Variants in PCM1 observed in about 807,000 individuals in gnomAD.
The protein encoded by PCM1 is pericentriolar material 1.
In PCM1, 157 loss-of-function variants were observed where a neutral mutation model predicts 241.9. The observed-to-expected ratio is 0.65, with a 90% CI of 0.57 to 0.74. The LOEUF (loss-of-function observed/expected upper bound fraction) is 0.74, where lower values mean the gene tolerates loss of function less well. PCM1 is among the 30% of genes least tolerant of loss of function. PCM1 has a pLI of 0.00. For synonymous variants in PCM1, 1,085 were observed against 784.9 expected (o/e 1.38, Z -6.39); for missense variants, 3,478 against 2,360.1 (o/e 1.47, Z -9.81).
At chr8:17,955,893 C>G in intron 10 of PCM1, 1 of 511,600 alleles carries the variant, frequency 2.0e-6, no homozygotes, top group Non-Finnish European at 3.5e-6. Flanking sequence ...AATAAAGGAT[C>G]AAAAATAAGA....
At chr8:17,962,200 C>A (rs754540273) in intron 16 of PCM1, 26 bp downstream of exon 16, 1 of 1,572,564 alleles carries the variant, frequency 6.4e-7, no homozygotes, top group South Asian at 1.2e-5. Context: ...CTCTCTTGTT[C>A]CTGAGTTAGT....
At chr8:17,962,602 A>G (rs762942962) in intron 16 of PCM1, among the ~76,000 whole-genome samples, 3 of 151,920 alleles carry the variant, frequency 2.0e-5, no homozygotes, top group Non-Finnish European at 2.9e-5. Context: ...TTTGAGTTCT[A>G]CTTGTTTCTA....
At chr8:17,932,830 T>C (rs2059419502) in intron 2 of PCM1, among the ~76,000 whole-genome samples, 1 of 152,224 alleles carries the variant, frequency 6.6e-6, no homozygotes, top group Non-Finnish European at 1.5e-5. Context: ...AATCTTTGAC[T>C]ATTTTGATAG....
chr8:17,926,815 G>A (rs2057159749), intron 2 of PCM1: 1 of 152,228 alleles, frequency 6.6e-6, no homozygotes, highest in Non-Finnish European at 1.5e-5. Context: ...CAGGAATCAA[G>A]TGAGAGAAGT....
intron 30 of PCM1, among the ~76,000 whole-genome samples, chr8:18,007,836 T>G (rs1000898269): frequency 6.6e-6 from 1 of 152,100 alleles, no homozygotes; most frequent in Non-Finnish European, 1.5e-5. Context: ...GATAAGATAG[T>G]CTTTTGGTGG....
rs1410591935 is a variant in PCM1 at position 17,939,797 on chromosome 8, C to G, written c.719C>G (p.Thr240Ser). 2.6e-6 allele frequency: 4 copies of G among 1,544,024 alleles called. No homozygotes were observed. The Admixed American group carries it at 5.8e-5, about 22-fold the overall frequency. ...NERSANVERL[T>S]HLIDHLKEQE... The stretch of plus-strand genomic sequence containing the variant: ...AGATCTGCTAATGTTGAGCGCCTTA[C>G]TCATCTAATAGATCACCTTAAAGAA... Residue 240 changes from threonine to serine, a missense_variant, in exon 6 of 39, where the codon ACT becomes AGT. Transcript: ENST00000325083.
At chr8:17,976,343 G>A (rs2078764223) in intron 23 of PCM1, among the ~76,000 whole-genome samples, 1 of 152,216 alleles carries the variant, frequency 6.6e-6, no homozygotes, top group Non-Finnish European at 1.5e-5. Context: ...ACACCCTGTT[G>A]CTGAGGAATC....
At position 17,996,777 on chromosome 8, in the gene PCM1, ACAAG is replaced by A. The variant is rs1445436779; in HGVS notation, c.4827+3162_4827+3165del. Among the ~76,000 whole-genome samples, 3 of 152,250 alleles carry A rather than the reference ACAAG, an allele frequency of 2.0e-5. No individual in the cohort carries two copies. In the East Asian group the frequency reaches 5.8e-4, roughly 29 times the overall value. ...CCGATAACACTGATTGCATAAACAA[ACAAG>A]CAAACAAAATGAAAACTTATGCAAA... is the stretch of plus-strand genomic sequence containing the variant. On this transcript the variant is annotated intron_variant, in intron 29 of 38. Coordinates refer to ENST00000325083, the MANE Select transcript of PCM1 (RefSeq NM_006197.4).
chr8:17,950,658 A>T lies in PCM1; in HGVS notation c.1005A>T (p.Thr335=), dbSNP rs761381844. The stretch of plus-strand genomic sequence containing the variant: ...GTAGCTTATCTGGCGTCAGTATCAC[A>T]TCTGAACTAAATGAAGAATTGAATG... ...TAGSLSGVSI[T]SELNEELNDL... Residue 335 remains threonine, a synonymous_variant, in exon 8 of 39, where the codon ACA becomes ACT. Coordinates refer to ENST00000325083, the MANE Select transcript of PCM1 (RefSeq NM_006197.4). 7 of 1,606,526 alleles carry T rather than the reference A, an allele frequency of 4.4e-6. No homozygotes were observed. The highest frequency in any genetic ancestry group is 6.0e-6 in the Non-Finnish European group (7 of 1,175,758).
chr8:18,026,924 C>G (rs181398052), intron 38 of PCM1, among the ~76,000 whole-genome samples: 1 of 152,124 alleles, frequency 6.6e-6, no homozygotes, highest in Admixed American at 6.5e-5. Context: ...TGGTTCTATA[C>G]CTTCTCTGAG....
chr8:18,025,463 T>C lies in PCM1; in HGVS notation c.5934+10T>C. The C allele has an allele frequency of 6.5e-7, 1 of 1,544,688 alleles. No homozygotes were observed. Among genetic ancestry groups the C allele is most frequent in the Non-Finnish European group, 8.9e-7 (1 of 1,123,962 alleles). The stretch of plus-strand genomic sequence containing the variant: ...GACAATATATTCAGAGGTATTTAGC[T>C]GTCTTTAATTAAACTTGTCTTTACA... On this transcript the variant is annotated intron_variant, in intron 37 of 38. Transcript: ENST00000325083.
chr8:18,025,443 T>A lies in PCM1; in HGVS notation c.5924T>A (p.Ile1975Lys), dbSNP rs1258273350. 1 of 1,584,708 alleles carries A rather than the reference T, an allele frequency of 6.3e-7. No homozygotes were observed. Among genetic ancestry groups the A allele is most frequent in the Non-Finnish European group, 8.6e-7 (1 of 1,156,392 alleles). The change falls in exon 37 of 39, where the codon ATA becomes AAA. Residue 1975 changes from isoleucine (I) to lysine (K), a missense_variant. Ile to Lys is a moderately radical substitution (Grantham distance 102). Coordinates refer to ENST00000325083, the MANE Select transcript of PCM1 (RefSeq NM_006197.4). ...KVEDLPLKLT[I>K]YSEADLRKKM... ...GAAGATTTACCACTGAAACTGACAA[T>A]ATATTCAGAGGTATTTAGCTGTCTT... is the stretch of plus-strand genomic sequence containing the variant.
chr8:17,988,525 A>G (rs765273759), intron 26 of PCM1, among the ~76,000 whole-genome samples: 1 of 151,874 alleles, frequency 6.6e-6, no homozygotes, highest in African/African-American at 2.4e-5. Flanking sequence ...AGCACTAACT[A>G]TAAAAGAAAA....
intron 23 of PCM1, among the ~76,000 whole-genome samples, chr8:17,977,302 A>G (rs568100742): frequency 1.3e-5 from 2 of 152,252 alleles, no homozygotes; most frequent in African/African-American, 4.8e-5. Flanking sequence ...TCGGTGGCAG[A>G]GGCTAAACTT....
intron 29 of PCM1, among the ~76,000 whole-genome samples, chr8:17,998,997 A>C (rs2088080231): frequency 6.6e-6 from 1 of 151,974 alleles, no homozygotes. Flanking sequence ...AGGGCTTTTT[A>C]GTCAGCTTGT....
At chr8:17,996,766 T>C (rs946564527) in intron 29 of PCM1, among the ~76,000 whole-genome samples, 10 of 152,326 alleles carry the variant, frequency 6.6e-5, no homozygotes, top group African/African-American at 2.4e-4. Context: ...TAACACTGAT[T>C]GCATAAACAA....
intron 26 of PCM1, among the ~76,000 whole-genome samples, chr8:17,988,236 C>A (rs929068904): frequency 6.6e-6 from 1 of 151,762 alleles, no homozygotes; most frequent in East Asian, 1.9e-4. Context: ...TCCTAAAATA[C>A]GTTCCTTAAT....
At position 17,955,553 on chromosome 8, in the gene PCM1, T is replaced by C. The variant is rs758352453; in HGVS notation, c.1372T>C (p.Ser458Pro). 14 of 1,613,560 alleles carry C rather than the reference T, an allele frequency of 8.7e-6. No homozygotes were observed. The Admixed American group carries it at 2.3e-4, about 27-fold the overall frequency. ...VGLAPVVNGESNSLTSSVPYP... is the reference protein window; with the variant it reads ...VGLAPVVNGEPNSLTSSVPYP... ...CTTGGCACCGGTTGTCAATGGAGAA[T>C]CCAATAGCCTCACATCATCTGTTCC... The change falls in exon 10 of 39, where the codon TCC (serine) becomes CCC (proline). Residue 458 changes from serine (S) to proline (P), a missense_variant. Transcript: ENST00000325083.
intron 2 of PCM1, among the ~76,000 whole-genome samples, chr8:17,931,793 G>A (rs1185818653): frequency 6.6e-6 from 1 of 152,060 alleles, no homozygotes; most frequent in Non-Finnish European, 1.5e-5. Context: ...GTAGAATACA[G>A]TAGTTGCAAA....
Sources: gnomAD v4.1 joint callset for allele counts (sites outside exome capture counted in the v4.1 genomes callset) on GRCh38, gnomAD v4.1.1 for gene constraint, MANE v1.5 for transcripts, NCBI Gene and HGNC (gene_info 2026-07-23, HGNC 2026-07-21) for gene names.